FKBP11: variants seen among roughly 807,000 people sequenced by gnomAD.
The protein encoded by FKBP11 is peptidyl-prolyl cis-trans isomerase FKBP11.
Under a neutral mutation model 24.7 loss-of-function variants are expected in FKBP11, and 21 were observed. That is an observed-to-expected ratio of 0.85 (90% CI 0.60 to 1.23). FKBP11 has a LOEUF of 1.23. Among genes scored for constraint, FKBP11 ranks in the 50% most tolerant of loss-of-function variants. FKBP11 has a pLI of 0.00. For synonymous variants in FKBP11, 106 were observed against 100.6 expected, an observed-to-expected ratio of 1.05 and a Z score of -0.32; for missense variants, 245 against 248.7, an observed-to-expected ratio of 0.99 and a Z score of 0.10.
intron 4 of FKBP11, 142 bp from the exon 5 acceptor site, chr12:48,923,994 GC>G (rs1939895125): frequency 9.7e-6 from 9 of 928,936 alleles, no homozygotes; most frequent in Non-Finnish European, 1.6e-5. Flanking sequence ...AAACAGGCTG[GC>G]CAGCAAAGGT....
intron 5 of FKBP11, chr12:48,923,225 C>T (rs923822329): frequency 2.3e-6 from 3 of 1,281,724 alleles, no homozygotes; most frequent in South Asian, 1.8e-5. Context: ...TTTGTTAGAA[C>T]TGAAAGCAAA....
At chr12:48,935,382 C>G in the FKBP11 span, among the ~76,000 whole-genome samples, 1 of 152,112 alleles carries the variant, frequency 6.6e-6, no homozygotes, top group Non-Finnish European at 1.5e-5. Flanking sequence ...AAATCCTATC[C>G]CTTTCCCACA....
chr12:48,933,955 A>G, the FKBP11 span, among the ~76,000 whole-genome samples: 6 of 152,080 alleles, frequency 3.9e-5, no homozygotes, highest in Non-Finnish European at 8.8e-5. Flanking sequence ...GTGTCCCCCA[A>G]CTCTCACTAC....
the FKBP11 span, chr12:48,931,480 G>A: frequency 2.6e-6 from 4 of 1,535,482 alleles, no homozygotes; most frequent in South Asian, 4.8e-5. Context: ...CAAGTTAGAA[G>A]AAATCCAAAC....
the FKBP11 span, chr12:48,937,714 A>T: frequency 6.6e-6 from 1 of 152,250 alleles, no homozygotes; most frequent in Non-Finnish European, 1.5e-5. Flanking sequence ...GTTGGAGAAG[A>T]GGGGGGTTGA....
upstream of FKBP11, among the ~76,000 whole-genome samples, chr12:48,926,631 C>A (rs979678367): frequency 1.4e-5 from 2 of 140,372 alleles, no homozygotes; most frequent in African/African-American, 5.3e-5. Flanking sequence ...GTAGCTGGGA[C>A]TACAGGCATG....
chr12:48,925,672 TTC>T (rs1348742786), upstream of FKBP11: 1 of 572,688 alleles, frequency 1.7e-6, no homozygotes, highest in Non-Finnish European at 3.1e-6. Flanking sequence ...CCGTTAGACG[TTC>T]TGTCCTATAA....
the FKBP11 span, among the ~76,000 whole-genome samples, chr12:48,934,138 G>A: frequency 6.6e-6 from 1 of 152,196 alleles, no homozygotes; most frequent in South Asian, 2.1e-4. Flanking sequence ...CTAGGCGCTT[G>A]AACTGGAAGT....
chr12:48,938,872 A>C, the FKBP11 span: 1 of 1,539,902 alleles, frequency 6.5e-7, no homozygotes, highest in African/African-American at 1.4e-5. Flanking sequence ...ATGGAGAGGA[A>C]GGGGTAGGAC....
At chr12:48,934,586 G>A in the FKBP11 span, among the ~76,000 whole-genome samples, 2 of 152,150 alleles carry the variant, frequency 1.3e-5, no homozygotes, top group African/African-American at 4.8e-5. Flanking sequence ...GGGACAGATG[G>A]GAATAGGTCA....
At position 48,923,367 on chromosome 12, in the gene FKBP11, T is replaced by C. The variant is rs1306789278; in HGVS notation, c.388+415A>G. The C allele has an allele frequency of 2.8e-6, 4 of 1,443,118 alleles. No homozygotes were observed. The East Asian group carries it at 7.5e-5, about 27-fold the overall frequency. The allele number at this position is 1,443,118 out of a possible 1,614,324, so 89.4% of individuals were successfully genotyped here. On this transcript the variant is annotated intron_variant, in intron 5 of 5. Transcript: ENST00000550765. ...TGCTTTTTGTTTTGTTTTGAATCAC[T>C]TGACTGTGATTATTTTTACTGTCTC...
intron 5 of FKBP11, chr12:48,922,403 A>G (rs1009337352): frequency 1.2e-5 from 8 of 679,702 alleles, no homozygotes; most frequent in Middle Eastern, 4.4e-4. Context: ...GTTGACCCCA[A>G]CTACACATGT....
At chr12:48,936,425 A>C in the FKBP11 span, 1 of 152,656 alleles carries the variant, frequency 6.6e-6, no homozygotes, top group Non-Finnish European at 1.5e-5. Context: ...CATAAAATTA[A>C]ACCTACCAGA....
upstream of FKBP11, among the ~76,000 whole-genome samples, chr12:48,928,792 T>C (rs1940012758): frequency 6.7e-6 from 1 of 148,350 alleles, no homozygotes; most frequent in African/African-American, 2.5e-5. Flanking sequence ...AGACACCTTT[T>C]AACTGAGGCA....
chr12:48,926,002 G>C (rs1221357677), upstream of FKBP11: 2 of 153,534 alleles, frequency 1.3e-5, no homozygotes, highest in Non-Finnish European at 2.9e-5. Flanking sequence ...AGCTACTTCA[G>C]CTTGAATTTC....
chr12:48,937,896 T>G, the FKBP11 span: 3,034 of 157,648 alleles, frequency 0.019, 49 homozygotes, highest in Middle Eastern at 0.073. Flanking sequence ...GGAATGGGAT[T>G]GGCCCATGCC....
At chr12:48,938,689 C>A in the FKBP11 span, 5 of 496,064 alleles carry the variant, frequency 1.0e-5, no homozygotes, top group South Asian at 1.0e-4. Flanking sequence ...GGGGCCACCC[C>A]ATGAAACCGT....
At chr12:48,928,574 G>C (rs1177584887), upstream of FKBP11, among the ~76,000 whole-genome samples, 2 of 152,046 alleles carry the variant, frequency 1.3e-5, no homozygotes, top group African/African-American at 4.8e-5. Flanking sequence ...CCACCTCCCA[G>C]GTTCAGGCAA....
chr12:48,929,853 C>T (rs1940025794), upstream of FKBP11, among the ~76,000 whole-genome samples: 1 of 152,212 alleles, frequency 6.6e-6, no homozygotes, highest in Non-Finnish European at 1.5e-5. Context: ...TGAACTCATA[C>T]ACTTCTTTTA....
Sources: allele counts gnomAD v4.1 joint callset (sites outside exome capture counted in the v4.1 genomes callset), GRCh38; gene constraint gnomAD v4.1.1; transcripts MANE v1.5; gene names NCBI Gene and HGNC (gene_info 2026-07-23, HGNC 2026-07-21).